Variants in SSH2 observed in about 807,000 individuals in gnomAD.
The protein encoded by SSH2 is slingshot protein phosphatase 2.
In SSH2, 37 loss-of-function variants were observed where a neutral mutation model predicts 135.2. The ratio of observed to expected loss-of-function variants is 0.27; its 90% confidence interval spans 0.21 to 0.36. The LOEUF is 0.36. Among genes scored for constraint, SSH2 ranks in the 10% least tolerant of loss-of-function variants. SSH2 has a pLI of 1.00. For missense variants in SSH2, 1,408 were observed against 1,765.3 expected (o/e 0.80, Z 3.63); for synonymous variants, 628 against 646.2 (o/e 0.97, Z 0.43).
At chr17:29,708,352 C>T (rs1419975216) in intron 3 of SSH2, among the ~76,000 whole-genome samples, 2 of 152,038 alleles carry the variant, frequency 1.3e-5, no homozygotes, top group Non-Finnish European at 2.9e-5. Flanking sequence ...CTTTGGGAGG[C>T]CAAGGCGGGC....
chr17:29,791,897 T>C (rs2151302370), intron 3 of SSH2, among the ~76,000 whole-genome samples: 1 of 151,990 alleles, frequency 6.6e-6, no homozygotes, highest in South Asian at 2.1e-4. Flanking sequence ...AAACAGGTCT[T>C]TATGATTCTT....
intron 2 of SSH2, among the ~76,000 whole-genome samples, chr17:29,824,530 C>G (rs2042710460): frequency 6.6e-6 from 1 of 152,202 alleles, no homozygotes; most frequent in Admixed American, 6.5e-5. Context: ...CATGCCTAAG[C>G]CAACCTCTGG....
Position 29,745,559 on chromosome 17 carries a change from T to C in SSH2, c.189-42497A>G, listed in dbSNP as rs185365430. On this transcript the variant is annotated intron_variant, in intron 3 of 15. Transcript: ENST00000540801. ...AATTGTGCTCTTATTTATCCCTTCA[T>C]TGACGTCTTATTTCCTCAACAAACT... 2.2e-3 allele frequency among the ~76,000 whole-genome samples: 335 copies of C among 152,330 alleles called. 1 individual carries two copies. The highest frequency in any genetic ancestry group is 7.9e-3 in the African/African-American group (329 of 41,572).
At chr17:29,757,783 G>C (rs1458186861) in intron 3 of SSH2, among the ~76,000 whole-genome samples, 7 of 139,878 alleles carry the variant, frequency 5.0e-5, no homozygotes, top group Non-Finnish European at 7.8e-5. Context: ...TGGCAGGGGT[G>C]GGGGGTGGGG....
At chr17:29,924,959 G>T (rs2067038541) in intron 1 of SSH2, among the ~76,000 whole-genome samples, 1 of 152,142 alleles carries the variant, frequency 6.6e-6, no homozygotes, top group African/African-American at 2.4e-5. Context: ...TACTCAACTG[G>T]CAGTCAAGTC....
At chr17:29,688,788 A>G (rs2151087972) in intron 5 of SSH2, among the ~76,000 whole-genome samples, 1 of 152,314 alleles carries the variant, frequency 6.6e-6, no homozygotes, top group East Asian at 1.9e-4. Context: ...CTATATCCTA[A>G]TTAGAAGGAT....
chr17:29,922,818 CA>C (rs1437179670), intron 1 of SSH2, among the ~76,000 whole-genome samples: 1 of 152,184 alleles, frequency 6.6e-6, no homozygotes. Context: ...AGTGTAAATA[CA>C]GTTAGGAAAA....
chr17:29,903,203 T>C (rs2066592570), intron 1 of SSH2, among the ~76,000 whole-genome samples: 2 of 149,246 alleles, frequency 1.3e-5, no homozygotes, highest in Admixed American at 1.3e-4. Context: ...AATATATATA[T>C]ACACACACAT....
At chr17:29,776,911 G>T (rs2041714451) in intron 3 of SSH2, among the ~76,000 whole-genome samples, 1 of 152,224 alleles carries the variant, frequency 6.6e-6, no homozygotes, top group South Asian at 2.1e-4. Context: ...TTAGATTGTG[G>T]CTAAAATTTT....
intron 9 of SSH2, among the ~76,000 whole-genome samples, chr17:29,671,678 G>A (rs1474329435): frequency 2.6e-5 from 4 of 152,190 alleles, no homozygotes; most frequent in Admixed American, 2.6e-4. Context: ...AATGGAATCT[G>A]AATAATGAAA....
At chr17:29,807,770 G>A (rs1054603517) in intron 2 of SSH2, among the ~76,000 whole-genome samples, 3 of 150,144 alleles carry the variant, frequency 2.0e-5, no homozygotes, top group African/African-American at 2.4e-5. Flanking sequence ...CTGATCCTAT[G>A]AGGTAGCCAG....
At chr17:29,888,349 C>G (rs1021621382) in intron 1 of SSH2, among the ~76,000 whole-genome samples, 2 of 152,130 alleles carry the variant, frequency 1.3e-5, no homozygotes, top group Admixed American at 6.5e-5. Context: ...AAGTCTAAGA[C>G]TGAGGAATCT....
At chr17:29,702,317 C>A (rs1305728413) in intron 4 of SSH2, among the ~76,000 whole-genome samples, 1 of 149,998 alleles carries the variant, frequency 6.7e-6, no homozygotes, top group Non-Finnish European at 1.5e-5. Flanking sequence ...TATGCCATTG[C>A]ACTCTAGCCT....
chr17:29,688,329 T>G (rs775129181), intron 5 of SSH2, among the ~76,000 whole-genome samples: 10 of 152,136 alleles, frequency 6.6e-5, no homozygotes, highest in Non-Finnish European at 1.3e-4. Context: ...TTAAAGTTTA[T>G]TTTATAATAT....
chr17:29,906,881 T>C (rs372286500), intron 1 of SSH2, among the ~76,000 whole-genome samples: 1 of 152,276 alleles, frequency 6.6e-6, no homozygotes, highest in South Asian at 2.1e-4. Flanking sequence ...GGTGAAGTTG[T>C]GGAGAAAAAG....
At chr17:29,784,181 G>A (rs184525947) in intron 3 of SSH2, among the ~76,000 whole-genome samples, 23 of 151,160 alleles carry the variant, frequency 1.5e-4, no homozygotes, top group African/African-American at 5.3e-4. Context: ...GAGATCAGGA[G>A]TTAGAGACCA....
At chr17:29,808,343 G>T (rs1466683438) in intron 2 of SSH2, among the ~76,000 whole-genome samples, 1 of 152,214 alleles carries the variant, frequency 6.6e-6, no homozygotes, top group Non-Finnish European at 1.5e-5. Flanking sequence ...TGGCCAGGCT[G>T]GTCTCGAACT....
chr17:29,667,547 G>A (rs1844354621), intron 9 of SSH2, among the ~76,000 whole-genome samples: 1 of 152,202 alleles, frequency 6.6e-6, no homozygotes, highest in South Asian at 2.1e-4. Flanking sequence ...GATCAAGGTT[G>A]TGTGCTCCTT....
intron 3 of SSH2, among the ~76,000 whole-genome samples, chr17:29,709,445 G>A (rs1567903852): frequency 6.6e-6 from 1 of 152,216 alleles, no homozygotes; most frequent in Non-Finnish European, 1.5e-5. Context: ...GGGAGGCCAA[G>A]GAGGGTGGAT....
Sources: gnomAD v4.1 joint callset for allele counts (sites outside exome capture counted in the v4.1 genomes callset) on GRCh38, gnomAD v4.1.1 for gene constraint, MANE v1.5 for transcripts, NCBI Gene and HGNC (gene_info 2026-07-23, HGNC 2026-07-21) for gene names.